The following COL14A1 variants were observed in gnomAD, a reference collection of about 807,000 sequenced individuals.
COL14A1 encodes the protein collagen alpha-1(XIV) chain.
A neutral mutation model predicts 230.3 loss-of-function variants in COL14A1; 136 were observed. The ratio of observed to expected loss-of-function variants is 0.59; its 90% confidence interval spans 0.51 to 0.68. The LOEUF is 0.68. COL14A1 is among the 30% of genes least tolerant of loss of function. COL14A1 has a pLI of 0.00. For synonymous variants in COL14A1, 792 were observed against 784.1 expected (o/e 1.01, Z -0.17); for missense variants, 1,976 against 2,215.8 (o/e 0.89, Z 2.17).
At chr8:120,241,683 G>A (rs1469214908) in intron 19 of COL14A1, among the ~76,000 whole-genome samples, 1 of 151,100 alleles carries the variant, frequency 6.6e-6, no homozygotes, top group East Asian at 1.9e-4. Flanking sequence ...ATACCCAAGA[G>A]GAGATGGTTT....
At chr8:120,193,811 C>T (rs1816925388) in intron 5 of COL14A1, among the ~76,000 whole-genome samples, 1 of 152,172 alleles carries the variant, frequency 6.6e-6, no homozygotes, top group Non-Finnish European at 1.5e-5. Context: ...GACTGCTGTG[C>T]TAGCAATCAG....
In COL14A1 at chr8:120,200,565, TGGGAATAC is replaced by T. The variant is rs1161690968; in HGVS notation, c.877+1001_877+1008del. ...TTGAACTATCCAGGGAGAAGGGGCC[TGGGAATAC>T]GTGTTTTAAAACCATACCCAGTTCT... is the stretch of plus-strand genomic sequence containing the variant. On this transcript the variant is annotated intron_variant, in intron 8 of 47. Transcript: ENST00000297848. 5.9e-5 allele frequency among the ~76,000 whole-genome samples: 9 copies of T among 151,290 alleles called. No individual in the cohort carries two copies. In the South Asian group the frequency reaches 1.7e-3, roughly 28 times the overall value.
At position 120,226,740 on chromosome 8, in the gene COL14A1, C is replaced by T; in HGVS notation, c.1978C>T (p.Pro660Ser). Residue 660 changes from proline (P) to serine (S), a missense_variant, in exon 16 of 48, where the codon CCA (proline) becomes TCA (serine). By Grantham distance (74) the Pro-to-Ser change is moderately conservative. Transcript: ENST00000297848. ...AGGGCTACACAAATTGATGTGGATTCCAGTCTATGGGGGGAAGACTGAGGA... is the reference window on the plus strand; with the variant it reads ...AGGGCTACACAAATTGATGTGGATTTCAGTCTATGGGGGGAAGACTGAGGA... ...DEGLHKLMWIPVYGGKTEEVV... is the reference protein window; with the variant it reads ...DEGLHKLMWISVYGGKTEEVV... The T allele has an allele frequency of 1.2e-6, 2 of 1,613,670 alleles. No homozygotes were observed. Among genetic ancestry groups the T allele is most frequent in the Non-Finnish European group, 1.7e-6 (2 of 1,179,760 alleles).
In COL14A1 at chr8:120,200,048, A is replaced by AGCATATATATATGCATATATATATATAT. The variant is rs764124914; in HGVS notation, c.877+494_877+495insGCATATATATATATATGCATATATATAT. ...ATAAGGTATCCTTCTTGTGTGAAAA[A>AGCATATATATATGCATATATATATATAT]GCATATATATATATAGATAGCATAC... On this transcript the variant is annotated intron_variant, in intron 8 of 47. Coordinates refer to ENST00000297848, the MANE Select transcript of COL14A1 (RefSeq NM_021110.4). Among the ~76,000 whole-genome samples, 33 of 149,552 alleles carry AGCATATATATATGCATATATATATATAT rather than the reference A, an allele frequency of 2.2e-4. 1 individual carries two copies. Among genetic ancestry groups the AGCATATATATATGCATATATATATATAT allele is most frequent in the African/African-American group, 8.0e-4 (32 of 40,180 alleles).
At chr8:120,285,715 A>G (rs1820174506) in intron 32 of COL14A1, 146 bp from the exon 33 acceptor site, 1 of 606,060 alleles carries the variant, frequency 1.7e-6, no homozygotes, top group South Asian at 2.3e-5. Flanking sequence ...CAACCTGGGG[A>G]CTGTAGAACA....
intron 45 of COL14A1, among the ~76,000 whole-genome samples, chr8:120,356,120 A>G (rs902884859): frequency 4.6e-5 from 7 of 152,232 alleles, no homozygotes; most frequent in East Asian, 1.9e-4. Flanking sequence ...AGTGAGTTAT[A>G]TAGAATATAA....
At chr8:120,262,632 T>C (rs970409582) in intron 23 of COL14A1, among the ~76,000 whole-genome samples, 1 of 152,226 alleles carries the variant, frequency 6.6e-6, no homozygotes, top group African/African-American at 2.4e-5. Context: ...TTCAGAAGTC[T>C]TTTAATAGTA....
In COL14A1 at chr8:120,278,419, CCTTT is replaced by C; in HGVS notation, c.3338-11_3338-8del. The C allele has an allele frequency of 6.2e-7, 1 of 1,604,650 alleles. No individual in the cohort carries two copies. The highest frequency in any genetic ancestry group is 8.5e-7 in the Non-Finnish European group (1 of 1,175,220). On this transcript the variant is annotated splice_polypyrimidine_tract_variant and intron_variant, in intron 27 of 47. Coordinates refer to ENST00000297848, the MANE Select transcript of COL14A1 (RefSeq NM_021110.4). Reference sequence around the variant, plus strand: ...GGGAGGGAGTGAAATCAAACTGTTGCCTTTCTTTGTTTCAGGAAAAGCAATTAAG... The same window carrying C: ...GGGAGGGAGTGAAATCAAACTGTTGCCTTTGTTTCAGGAAAAGCAATTAAG...
chr8:120,342,527 C>A, intron 44 of COL14A1, 81 bp downstream of exon 44: 1 of 1,340,896 alleles, frequency 7.5e-7, no homozygotes, highest in Non-Finnish European at 1.1e-6. Flanking sequence ...ATGAGCGTAC[C>A]ACTAAGGAAA....
intron 4 of COL14A1, among the ~76,000 whole-genome samples, chr8:120,163,228 T>C (rs961080515): frequency 6.6e-6 from 1 of 152,196 alleles, no homozygotes; most frequent in African/African-American, 2.4e-5. Flanking sequence ...GTGATAAGTA[T>C]TGGAGAGAGT....
At chr8:120,339,219 C>T (rs1586878732) in intron 42 of COL14A1, among the ~76,000 whole-genome samples, 2 of 152,148 alleles carry the variant, frequency 1.3e-5, no homozygotes, top group Non-Finnish European at 1.5e-5. Flanking sequence ...GTGGTCTGCC[C>T]GACTTGTGAT....
intron 1 of COL14A1, among the ~76,000 whole-genome samples, chr8:120,137,154 GCTATTTGGGTTTT>G (rs1409547796): frequency 6.6e-6 from 1 of 151,886 alleles, no homozygotes; most frequent in Admixed American, 6.6e-5. Flanking sequence ...TAGATATAGG[GCTATTTGGGTTTT>G]CTATTTCTTC....
chr8:120,144,190 C>G (rs998888334), intron 1 of COL14A1, among the ~76,000 whole-genome samples: 1 of 151,726 alleles, frequency 6.6e-6, no homozygotes, highest in African/African-American at 2.4e-5. Flanking sequence ...AGCTGTCTCT[C>G]TTGTTGTTCA....
At chr8:120,328,988 T>G (rs762933834) in intron 40 of COL14A1, among the ~76,000 whole-genome samples, 2 of 152,202 alleles carry the variant, frequency 1.3e-5, no homozygotes, top group Non-Finnish European at 2.9e-5. Flanking sequence ...AGGTGCATGT[T>G]CACTCCCTAT....
At chr8:120,328,045 T>A (rs528410297) in intron 40 of COL14A1, among the ~76,000 whole-genome samples, 62 of 152,308 alleles carry the variant, frequency 4.1e-4, no homozygotes, top group African/African-American at 1.5e-3. Context: ...ATTACAGGCA[T>A]GAGCCACTGC....
At position 120,372,575 on chromosome 8, in the gene COL14A1, A is replaced by T. The variant is rs1030896488; in HGVS notation, c.*1344A>T. ...TGTAACATCTCCCTAGTAACAGCTA[A>T]CTTTAGAAAGTAGGGATGGGATCAT... On this transcript the variant is annotated 3_prime_UTR_variant, in exon 48 of 48. Coordinates refer to ENST00000297848, the MANE Select transcript of COL14A1 (RefSeq NM_021110.4). Among the ~76,000 whole-genome samples, 1 of 152,212 alleles carries T rather than the reference A, an allele frequency of 6.6e-6. No individual in the cohort carries two copies. The highest frequency in any genetic ancestry group is 1.5e-5 in the Non-Finnish European group (1 of 68,036).
rs762469718 is a variant in COL14A1, at chr8:120,371,743, G to A, written c.*512G>A. The A allele has an allele frequency of 2.5e-5, 10 of 396,992 alleles. No individual in the cohort carries two copies. Among genetic ancestry groups the A allele is most frequent in the Non-Finnish European group, 4.4e-5 (10 of 224,864 alleles). 24.6% of individuals were successfully genotyped at this position (396,992 alleles called of 1,614,324 possible). A position where few individuals can be genotyped will look rare whatever the true frequency, so the allele number is the denominator to read the frequency against. The stretch of plus-strand genomic sequence containing the variant: ...GTTTAATTGATCTGTCCAACTCTGA[G>A]ATCACTTGGTAACTGGTTTCATGTG... On this transcript the variant is annotated 3_prime_UTR_variant, in exon 48 of 48. Coordinates refer to ENST00000297848, the MANE Select transcript of COL14A1 (RefSeq NM_021110.4).
At chr8:120,259,901 T>C (rs1819270890) in intron 23 of COL14A1, among the ~76,000 whole-genome samples, 1 of 152,128 alleles carries the variant, frequency 6.6e-6, no homozygotes, top group African/African-American at 2.4e-5. Flanking sequence ...AAACAGTTAT[T>C]GTGGGATTCA....
In COL14A1 at chr8:120,281,052, C is replaced by G; in HGVS notation, c.3817C>G (p.Pro1273Ala). The G allele has an allele frequency of 1.9e-6, 3 of 1,606,610 alleles. No homozygotes were observed. Among genetic ancestry groups the G allele is most frequent in the Middle Eastern group, 1.7e-4 (1 of 5,966 alleles). ...QLHKDALVSQ[P>A]TRYLHPEGLP... ...CCATAAAGATGCCCTGGTTTCCCAG[C>G]CAACCAGGTATGTTTCTGTTGAAAG... Residue 1273 changes from proline (P) to alanine (A), a missense_variant, in exon 31 of 48, where the codon CCA becomes GCA. By Grantham distance (27) the Pro-to-Ala change is conservative. Coordinates refer to ENST00000297848, the MANE Select transcript of COL14A1 (RefSeq NM_021110.4).
Sources: gnomAD v4.1 joint callset for allele counts (sites outside exome capture counted in the v4.1 genomes callset) on GRCh38, gnomAD v4.1.1 for gene constraint, MANE v1.5 for transcripts, NCBI Gene and HGNC (gene_info 2026-07-23, HGNC 2026-07-21) for gene names.